LRFN2: variants seen among roughly 807,000 people sequenced by gnomAD.
LRFN2 encodes the protein leucine-rich repeat and fibronectin type-III domain-containing protein 2.
LRFN2 carries 18 observed loss-of-function variants against 37.3 expected under a neutral mutation model. The ratio of observed to expected loss-of-function variants is 0.48; its 90% CI spans 0.33 to 0.72. The LOEUF is 0.72. Among genes scored for constraint, LRFN2 ranks in the 30% least tolerant of loss-of-function variants. The pLI, the probability that LRFN2 is intolerant of heterozygous loss-of-function variation, is 0.02. For synonymous variants in LRFN2, 556 were observed against 466.6 expected (o/e 1.19, Z -2.47); for missense variants, 1,006 against 1,060.7 (o/e 0.95, Z 0.72).
chr6:40,439,443 C>T (rs1216198039), intron 1 of LRFN2, among the ~76,000 whole-genome samples: 1 of 152,170 alleles, frequency 6.6e-6, no homozygotes, highest in Non-Finnish European at 1.5e-5. Flanking sequence ...CCTGGAGGGA[C>T]CAGCTCTGGA....
At chr6:40,512,916 T>TTA (rs1765754030) in intron 1 of LRFN2, among the ~76,000 whole-genome samples, 2 of 152,076 alleles carry the variant, frequency 1.3e-5, no homozygotes, top group Non-Finnish European at 2.9e-5. Context: ...CAGGGCAGGA[T>TTA]GGGGTTAGGG....
intron 2 of LRFN2, among the ~76,000 whole-genome samples, chr6:40,420,110 C>T (rs564697728): frequency 1.8e-4 from 28 of 152,354 alleles, no homozygotes; most frequent in African/African-American, 6.3e-4. Context: ...CCGCAGAGCA[C>T]AGCGGAGCCC....
intron 1 of LRFN2, among the ~76,000 whole-genome samples, chr6:40,555,696 G>A (rs981471167): frequency 2.6e-5 from 4 of 152,038 alleles, no homozygotes; most frequent in African/African-American, 9.7e-5. Flanking sequence ...TCCTCCCAAA[G>A]TCTCCAGAAA....
chr6:40,531,416 C>T (rs2113909390), intron 1 of LRFN2, among the ~76,000 whole-genome samples: 1 of 152,262 alleles, frequency 6.6e-6, no homozygotes, highest in East Asian at 1.9e-4. Flanking sequence ...TCTGAACGCC[C>T]AGGAACACAT....
At chr6:40,483,988 G>A (rs1324882806) in intron 1 of LRFN2, among the ~76,000 whole-genome samples, 3 of 152,162 alleles carry the variant, frequency 2.0e-5, no homozygotes, top group Non-Finnish European at 4.4e-5. Context: ...TGCCAGGAGT[G>A]CGGGCTGTCT....
At chr6:40,472,304 G>A (rs1456127575) in intron 1 of LRFN2, among the ~76,000 whole-genome samples, 1 of 152,110 alleles carries the variant, frequency 6.6e-6, no homozygotes, top group Non-Finnish European at 1.5e-5. Context: ...ACAGCAGGTG[G>A]GGCTTTGAAA....
intron 1 of LRFN2, among the ~76,000 whole-genome samples, chr6:40,556,932 A>G (rs1356904406): frequency 6.6e-6 from 1 of 152,172 alleles, no homozygotes; most frequent in African/African-American, 2.4e-5. Context: ...ATTTTGTCTA[A>G]TCCACATCAC....
intron 2 of LRFN2, among the ~76,000 whole-genome samples, chr6:40,405,486 A>G (rs1229497524): frequency 6.6e-6 from 1 of 152,202 alleles, no homozygotes; most frequent in Admixed American, 6.5e-5. Context: ...TACCTAGGTC[A>G]GTGCCCGGCA....
intron 1 of LRFN2, among the ~76,000 whole-genome samples, chr6:40,571,081 GC>G (rs1475615065): frequency 6.6e-6 from 1 of 152,230 alleles, no homozygotes; most frequent in African/African-American, 2.4e-5. Context: ...ATCACCTCTT[GC>G]TGGAAGCACT....
intron 2 of LRFN2, among the ~76,000 whole-genome samples, chr6:40,426,566 G>A (rs756233468): frequency 9.9e-5 from 15 of 152,214 alleles, no homozygotes; most frequent in Non-Finnish European, 1.3e-4. Flanking sequence ...GGAGAGCAAT[G>A]AGAGACATGT....
chr6:40,450,084 GA>G (rs1228425949), intron 1 of LRFN2, among the ~76,000 whole-genome samples: 5 of 152,156 alleles, frequency 3.3e-5, no homozygotes, highest in African/African-American at 1.2e-4. Context: ...GGACAATGTA[GA>G]AAAGTCTTTT....
chr6:40,498,118 C>T (rs956907522), intron 1 of LRFN2, among the ~76,000 whole-genome samples: 13 of 151,994 alleles, frequency 8.6e-5, no homozygotes, highest in Non-Finnish European at 4.4e-5. Flanking sequence ...CAACAGCGCG[C>T]CTATAGATCC....
chr6:40,395,010 G>A (rs921495101), intron 2 of LRFN2, among the ~76,000 whole-genome samples: 5 of 145,292 alleles, frequency 3.4e-5, no homozygotes, highest in African/African-American at 5.2e-5. Context: ...TATCAGCAGC[G>A]TGAAAATGGA....
intron 1 of LRFN2, among the ~76,000 whole-genome samples, chr6:40,458,239 TGTA>T (rs951427640): frequency 1.0e-3 from 158 of 152,336 alleles, no homozygotes; most frequent in African/African-American, 3.6e-3. Context: ...ATAACTGCTT[TGTA>T]GTAAACACGA....
At chr6:40,413,764 C>T (rs191469896) in intron 2 of LRFN2, among the ~76,000 whole-genome samples, 5 of 151,938 alleles carry the variant, frequency 3.3e-5, no homozygotes, top group East Asian at 1.9e-4. Flanking sequence ...CCAGCACTGA[C>T]GGAAGTTCTC....
chr6:40,416,235 C>T (rs1763088926), intron 2 of LRFN2, among the ~76,000 whole-genome samples: 1 of 152,232 alleles, frequency 6.6e-6, no homozygotes, highest in South Asian at 2.1e-4. Flanking sequence ...TCTCAAACTG[C>T]TGACTTCAAG....
chr6:40,401,537 A>C (rs991761464), intron 2 of LRFN2, among the ~76,000 whole-genome samples: 8 of 152,064 alleles, frequency 5.3e-5, no homozygotes, highest in Non-Finnish European at 1.0e-4. Flanking sequence ...ATCAAATTTG[A>C]TTCTGCTTGA....
chr6:40,490,925 C>T (rs1765077726), intron 1 of LRFN2, among the ~76,000 whole-genome samples: 1 of 152,178 alleles, frequency 6.6e-6, no homozygotes, highest in Admixed American at 6.5e-5. Flanking sequence ...ACATCCTTGT[C>T]TCGTCCGGAT....
At chr6:40,547,681 G>A (rs115164510) in intron 1 of LRFN2, among the ~76,000 whole-genome samples, 5,184 of 152,200 alleles carry the variant, frequency 0.034, 112 homozygotes, top group Admixed American at 0.043. Flanking sequence ...AGGGAGAAAG[G>A]AGAGTGAGTT....
Sources: allele counts gnomAD v4.1 joint callset (sites outside exome capture counted in the v4.1 genomes callset), GRCh38; gene constraint gnomAD v4.1.1; transcripts MANE v1.5; gene names NCBI Gene and HGNC (gene_info 2026-07-23, HGNC 2026-07-21).